The following LONP1 variants were observed in gnomAD, a reference collection of about 807,000 sequenced individuals.
LONP1 encodes the protein lon protease homolog, mitochondrial.
In LONP1, 31 loss-of-function variants were observed where a neutral mutation model predicts 98.5. The ratio of observed to expected loss-of-function variants is 0.31; its 90% CI spans 0.24 to 0.42. The LOEUF (loss-of-function observed/expected upper bound fraction) is 0.42, where lower values mean the gene tolerates loss of function less well. Ranked by LOEUF, LONP1 falls within the 20% of genes least tolerant of loss-of-function variation. The pLI is 1.00. For missense variants in LONP1, 1,336 were observed against 1,350.6 expected, an observed-to-expected ratio of 0.99 and a Z score of 0.17; for synonymous variants, 781 against 594.7, an observed-to-expected ratio of 1.31 and a Z score of -4.56.
At chr19:5,696,460 C>A in intron 11 of LONP1, 89 bp from the exon 12 acceptor site, 1 of 1,528,890 alleles carries the variant, frequency 6.5e-7, no homozygotes, top group Non-Finnish European at 8.9e-7. Flanking sequence ...GCTGGGGAGA[C>A]CCCGAGTGAG....
In LONP1 at chr19:5,713,202, C is replaced by T. The variant is rs781684306; in HGVS notation, c.570G>A (p.Thr190=). ...CCTGCATCTCATGGATCTGGGCAAACGTCCCCGTGTGGTAGATTTCATCCA... is the reference window on the plus strand; with the variant it reads ...CCTGCATCTCATGGATCTGGGCAAATGTCCCCGTGTGGTAGATTTCATCCA... ...ESLDEIYHTG[T]FAQIHEMQDL... The change falls in exon 3 of 18, where the codon ACG becomes ACA. Residue 190 remains threonine (T), a synonymous_variant. Transcript: ENST00000360614. 1.1e-5 allele frequency: 17 copies of T among 1,613,970 alleles called. No homozygotes were observed. Among genetic ancestry groups the T allele is most frequent in the South Asian group, 3.3e-5 (3 of 91,090 alleles).
chr19:5,705,896 C>A lies in LONP1; in HGVS notation c.1243G>T (p.Asp415Tyr). The A allele has an allele frequency of 6.2e-7, 1 of 1,614,168 alleles. No homozygotes were observed. Among genetic ancestry groups the A allele is most frequent in the Non-Finnish European group, 8.5e-7 (1 of 1,180,028 alleles). Residue 415 changes from aspartate (D) to tyrosine (Y), a missense_variant, in exon 8 of 18, where the codon GAT (aspartate) becomes TAT (tyrosine). Around this residue, in one of 5 missense-constraint regions of LONP1, gnomAD observed 219 missense variants for 241.0 expected, o/e 0.91. Coordinates refer to ENST00000360614, the MANE Select transcript of LONP1 (RefSeq NM_004793.4). The stretch of plus-strand genomic sequence containing the variant: ...TCCCGGAACTTCTCCTCGATGGCAT[C>A]CTTGTCGTCCTTCTCCAGGCCCAGC... ...KELGLEKDDK[D>Y]AIEEKFRERL...
At chr19:5,693,257 G>A (rs1237193877) in intron 17 of LONP1, 41 bp downstream of exon 17, 1 of 1,576,164 alleles carries the variant, frequency 6.3e-7, no homozygotes, top group South Asian at 1.2e-5. Context: ...GTGGTGGTGT[G>A]GGCCCTGCCA....
At position 5,713,234 on chromosome 19, in the gene LONP1, C is replaced by T. The variant is rs745948000; in HGVS notation, c.538G>A (p.Glu180Lys). The T allele has an allele frequency of 8.1e-6, 13 of 1,614,048 alleles. No individual in the cohort carries two copies. The East Asian group carries it at 1.6e-4, about 19-fold the overall frequency. The change falls in exon 3 of 18, where the codon GAG becomes AAG. Residue 180 changes from glutamate to lysine, a missense_variant. Physicochemically the swap from Glu to Lys is moderately conservative, Grantham distance 56. Coordinates refer to ENST00000360614, the MANE Select transcript of LONP1 (RefSeq NM_004793.4). ...GTGTGGTAGATTTCATCCAGGCTCTCGACCACATCCGACTCATTGCTGTGG... is the reference window on the plus strand; with the variant it reads ...GTGTGGTAGATTTCATCCAGGCTCTTGACCACATCCGACTCATTGCTGTGG... ...RDDSNESDVV[E>K]SLDEIYHTGT...
Position 5,694,391 on chromosome 19 carries a change from T to C in LONP1, c.2316A>G (p.Ala772=). Residue 772 remains alanine, a synonymous_variant, in exon 15 of 18, where the codon GCA becomes GCG. Coordinates refer to ENST00000360614, the MANE Select transcript of LONP1 (RefSeq NM_004793.4). ...TTCTCCCGCCACCACGCTCACCCAT[T>C]GCGGTCCAGGCCAGCCCCATGACCA... ...PGVVMGLAWT[A]MGGSTLFVET... The C allele has an allele frequency of 6.2e-7, 1 of 1,612,866 alleles. No homozygotes were observed. Among genetic ancestry groups the C allele is most frequent in the Non-Finnish European group, 8.5e-7 (1 of 1,179,502 alleles).
At chr19:5,712,475 C>T (rs375760841) in intron 3 of LONP1, 91 of 181,064 alleles carry the variant, frequency 5.0e-4, no homozygotes, top group African/African-American at 1.7e-3. Flanking sequence ...CCACCTCTCA[C>T]GCTGTCTGCG....
intron 13 of LONP1, 47 bp from the exon 14 acceptor site, chr19:5,694,948 C>A: frequency 6.4e-7 from 1 of 1,573,560 alleles, no homozygotes. Flanking sequence ...CCTTGCCCAC[C>A]AGCTCAGTCT....
Position 5,691,836 on chromosome 19 carries a change from C to A in LONP1, c.*196G>T. On this transcript the variant is annotated 3_prime_UTR_variant, in exon 18 of 18. Transcript: ENST00000360614. ...GGCAGCAGGTGAGGAAGCCGCCGTA[C>A]TGCAAATGACTTTAATCATTAAATA... 1.2e-6 allele frequency: 1 copy of A among 800,712 alleles called. No homozygotes were observed. The highest frequency in any genetic ancestry group is 2.0e-6 in the Non-Finnish European group (1 of 511,720). 49.6% of individuals were successfully genotyped at this position (800,712 alleles called of 1,614,324 possible).
At chr19:5,702,257 G>A (rs1599461404) in intron 8 of LONP1, among the ~76,000 whole-genome samples, 1 of 133,200 alleles carries the variant, frequency 7.5e-6, no homozygotes, top group African/African-American at 2.9e-5. Flanking sequence ...GAGGTTGGGG[G>A]GGGGGTCAGC....
chr19:5,707,942 C>G, intron 5 of LONP1, 116 bp from the exon 6 acceptor site: 1 of 1,212,878 alleles, frequency 8.2e-7, no homozygotes, highest in Non-Finnish European at 1.1e-6. Context: ...TGGGCACGGT[C>G]TAGGGGTGCT....
chr19:5,692,001 A>ACATCCAGTTCTGGCCCAGACAGGGCCTGG lies in LONP1; in HGVS notation c.*30_*31insCCAGGCCCTGTCTGGGCCAGAACTGGATG. Reference sequence around the variant, plus strand: ...TCAGTTCTGGCCCAGACAGGGCCTGACATCCGCCGCCTGCAGTCCCGGGGT... The same window carrying ACATCCAGTTCTGGCCCAGACAGGGCCTGG: ...TCAGTTCTGGCCCAGACAGGGCCTGACATCCAGTTCTGGCCCAGACAGGGCCTGGCATCCGCCGCCTGCAGTCCCGGGGT... On this transcript the variant is annotated 3_prime_UTR_variant, in exon 18 of 18. Coordinates refer to ENST00000360614, the MANE Select transcript of LONP1 (RefSeq NM_004793.4). 6.3e-7 allele frequency: 1 copy of ACATCCAGTTCTGGCCCAGACAGGGCCTGG among 1,594,902 alleles called. No homozygotes were observed. Among genetic ancestry groups the ACATCCAGTTCTGGCCCAGACAGGGCCTGG allele is most frequent in the Non-Finnish European group, 8.5e-7 (1 of 1,169,638 alleles).
At chr19:5,710,393 ATTTT>A (rs755609416) in intron 4 of LONP1, among the ~76,000 whole-genome samples, 3 of 151,328 alleles carry the variant, frequency 2.0e-5, no homozygotes, top group Admixed American at 6.6e-5. Flanking sequence ...CCCGGCCTGA[ATTTT>A]TTTATTTTAA....
In LONP1 at chr19:5,713,209, G is replaced by A. The variant is rs147052599; in HGVS notation, c.563C>T (p.Thr188Met). The change falls in exon 3 of 18, where the codon ACG (threonine) becomes ATG (methionine). Residue 188 changes from threonine to methionine, a missense_variant. Around this residue, in one of 5 missense-constraint regions of LONP1, gnomAD observed 457 missense variants for 403.1 expected, o/e 1.13. Transcript: ENST00000360614. ...CTCATGGATCTGGGCAAACGTCCCC[G>A]TGTGGTAGATTTCATCCAGGCTCTC... ...VVESLDEIYH[T>M]GTFAQIHEMQ... 240 of 1,614,082 alleles carry A rather than the reference G, an allele frequency of 1.5e-4. No individual in the cohort carries two copies. The highest frequency in any genetic ancestry group is 8.2e-4 in the East Asian group (37 of 44,874).
chr19:5,712,843 G>T (rs1442524259), intron 3 of LONP1, among the ~76,000 whole-genome samples: 1 of 152,088 alleles, frequency 6.6e-6, no homozygotes, highest in Non-Finnish European at 1.5e-5. Flanking sequence ...CGTTGCCCAG[G>T]CTGGACTCAA....
intron 15 of LONP1, among the ~76,000 whole-genome samples, chr19:5,694,115 G>T (rs2054880946): frequency 6.6e-6 from 1 of 152,158 alleles, no homozygotes; most frequent in Non-Finnish European, 1.5e-5. Flanking sequence ...GTGCGTGGTG[G>T]CCCCAAGGCC....
At chr19:5,702,440 A>T (rs1348012151) in intron 8 of LONP1, among the ~76,000 whole-genome samples, 1 of 145,964 alleles carries the variant, frequency 6.9e-6, no homozygotes, top group Non-Finnish European at 1.5e-5. Context: ...GGAAGTGAGG[A>T]GCCCCTCTGC....
At chr19:5,700,722 A>G (rs763582543) in intron 9 of LONP1, 67 bp downstream of exon 9, 5 of 1,589,650 alleles carry the variant, frequency 3.1e-6, no homozygotes, top group Non-Finnish European at 4.3e-6. Context: ...CTCAACCCAC[A>G]GCACACAAGA....
chr19:5,697,959 A>G (rs1164376544), intron 10 of LONP1, among the ~76,000 whole-genome samples: 2 of 151,660 alleles, frequency 1.3e-5, no homozygotes, highest in Non-Finnish European at 2.9e-5. Flanking sequence ...CTTGCCCAGG[A>G]AGGACTGGGT....
At chr19:5,712,754 T>C (rs1430349933) in intron 3 of LONP1, among the ~76,000 whole-genome samples, 1 of 151,900 alleles carries the variant, frequency 6.6e-6, no homozygotes, top group Non-Finnish European at 1.5e-5. Flanking sequence ...CTCAGCCTCT[T>C]GCGTAGCTGT....
Sources: gnomAD v4.1 joint callset for allele counts (sites outside exome capture counted in the v4.1 genomes callset) on GRCh38, gnomAD v4.1.1 for gene constraint, gnomAD v4.1.1 regional missense constraint, MANE v1.5 for transcripts, NCBI Gene and HGNC (gene_info 2026-07-23, HGNC 2026-07-21) for gene names.